KIAA1217: variants seen among roughly 807,000 people sequenced by gnomAD.
KIAA1217 encodes the protein KIAA1217.
A neutral mutation model predicts 163.9 loss-of-function variants in KIAA1217; 88 were observed. That is an observed-to-expected ratio of 0.54 (90% CI 0.45 to 0.64). The LOEUF (loss-of-function observed/expected upper bound fraction) is 0.64, where lower values mean the gene tolerates loss of function less well. Among genes scored for constraint, KIAA1217 ranks in the 30% least tolerant of loss-of-function variants. The pLI is 0.00. For synonymous variants in KIAA1217, 903 were observed against 923.1 expected (o/e 0.98, Z 0.39); for missense variants, 2,372 against 2,475.0 (o/e 0.96, Z 0.88).
At chr10:24,333,925 A>G (rs1038633508) in intron 2 of KIAA1217, among the ~76,000 whole-genome samples, 2 of 152,228 alleles carry the variant, frequency 1.3e-5, no homozygotes, top group Non-Finnish European at 2.9e-5. Context: ...GCTGTTCTAT[A>G]TTTCTTTTGC....
intron 1 of KIAA1217, among the ~76,000 whole-genome samples, chr10:23,937,660 T>C (rs1487290879): frequency 6.6e-6 from 1 of 152,180 alleles, no homozygotes; most frequent in African/African-American, 2.4e-5. Flanking sequence ...TTTTTCCCCA[T>C]GGCACCTTAA....
chr10:24,528,968 T>C (rs2072673251), intron 14 of KIAA1217, among the ~76,000 whole-genome samples: 1 of 152,210 alleles, frequency 6.6e-6, no homozygotes, highest in African/African-American at 2.4e-5. Flanking sequence ...AATCTCAACC[T>C]ATTAAATATC....
At chr10:24,076,222 C>T (rs2061364269) in intron 2 of KIAA1217, among the ~76,000 whole-genome samples, 1 of 152,190 alleles carries the variant, frequency 6.6e-6, no homozygotes, top group Non-Finnish European at 1.5e-5. Context: ...TTCCTGCTGG[C>T]TATTCTAAAG....
intron 1 of KIAA1217, among the ~76,000 whole-genome samples, chr10:23,729,519 T>C (rs1431511265): frequency 6.6e-6 from 1 of 152,224 alleles, no homozygotes; most frequent in Non-Finnish European, 1.5e-5. Flanking sequence ...TATCTCATTT[T>C]TGTTTTAATT....
In KIAA1217 at chr10:24,543,593, A is replaced by G; in HGVS notation, c.4323A>G (p.Lys1441=). ...NEDPVVCLDK[K]PVIIIFDEPM... is the part of the protein sequence containing the mutation. Reference sequence around the variant, plus strand: ...ATCCAGTCGTGTGCCTGGACAAGAAACCAGTGATCATCATTTTCGATGAGC... The same window carrying G: ...ATCCAGTCGTGTGCCTGGACAAGAAGCCAGTGATCATCATTTTCGATGAGC... Residue 1441 remains lysine, a synonymous_variant, in exon 19 of 21, where the codon AAA becomes AAG. Transcript: ENST00000376454. The G allele has an allele frequency of 1.2e-6, 2 of 1,614,140 alleles. No individual in the cohort carries two copies. The highest frequency in any genetic ancestry group is 1.7e-6 in the Non-Finnish European group (2 of 1,180,036).
intron 2 of KIAA1217, among the ~76,000 whole-genome samples, chr10:24,374,477 G>C (rs1173902654): frequency 6.6e-6 from 1 of 152,138 alleles, no homozygotes; most frequent in Non-Finnish European, 1.5e-5. Context: ...AACAAAAGCT[G>C]CTGATTTATT....
intron 2 of KIAA1217, among the ~76,000 whole-genome samples, chr10:24,030,204 T>C (rs1465355623): frequency 6.6e-6 from 1 of 152,228 alleles, no homozygotes; most frequent in Non-Finnish European, 1.5e-5. Flanking sequence ...TATGGCATTA[T>C]GTGTATTCAC....
At chr10:23,770,901 T>C (rs1588764291) in intron 1 of KIAA1217, among the ~76,000 whole-genome samples, 2 of 152,230 alleles carry the variant, frequency 1.3e-5, no homozygotes, top group Admixed American at 1.3e-4. Flanking sequence ...ACATCCAAGG[T>C]ACTGCTGTCC....
chr10:24,222,089 T>C (rs1469831846), intron 2 of KIAA1217, among the ~76,000 whole-genome samples: 1 of 152,242 alleles, frequency 6.6e-6, no homozygotes, highest in Non-Finnish European at 1.5e-5. Flanking sequence ...TTATTTGTAG[T>C]GTTATAATTA....
intron 2 of KIAA1217, among the ~76,000 whole-genome samples, chr10:24,298,523 C>T (rs767367692): frequency 1.4e-4 from 22 of 152,066 alleles, no homozygotes; most frequent in Non-Finnish European, 7.4e-5. Context: ...GCGAGCCGGG[C>T]GCAGTGGCTC....
At chr10:23,811,968 C>A (rs533087657) in intron 1 of KIAA1217, among the ~76,000 whole-genome samples, 1 of 152,046 alleles carries the variant, frequency 6.6e-6, no homozygotes, top group East Asian at 1.9e-4. Flanking sequence ...GCCTACAGTC[C>A]CAGCTGTTTG....
intron 2 of KIAA1217, among the ~76,000 whole-genome samples, chr10:24,335,558 A>T (rs1480763229): frequency 1.3e-5 from 2 of 150,742 alleles, no homozygotes; most frequent in African/African-American, 4.9e-5. Flanking sequence ...TAGATTGTGT[A>T]CTTTATTTTA....
intron 2 of KIAA1217, among the ~76,000 whole-genome samples, chr10:24,154,344 T>C (rs916946345): frequency 6.6e-6 from 1 of 152,062 alleles, no homozygotes; most frequent in Non-Finnish European, 1.5e-5. Context: ...TGAGGATTGC[T>C]TGAGCCTAGG....
At chr10:24,017,047 T>G (rs898292922) in intron 2 of KIAA1217, among the ~76,000 whole-genome samples, 18 of 151,298 alleles carry the variant, frequency 1.2e-4, no homozygotes, top group South Asian at 2.1e-4. Flanking sequence ...TTTGTTTTTT[T>G]TTTTTTTTTT....
intron 2 of KIAA1217, among the ~76,000 whole-genome samples, chr10:24,258,205 A>G (rs1176110440): frequency 2.6e-5 from 4 of 152,058 alleles, no homozygotes; most frequent in African/African-American, 9.7e-5. Flanking sequence ...GATGAGGACT[A>G]TATTACAAGT....
rs376983286 is a variant in KIAA1217, at chr10:24,542,897, T to C, written c.3627T>C (p.Ala1209=). ...QMEFQKVTTG[A]VRPSDPPKWE... is the part of the protein sequence containing the mutation. ...CTCCCTCTCAGGTTACCACAGGGGCTGTAAGACCTAGTGACCCTCCTAAGT... is the reference window on the plus strand; with the variant it reads ...CTCCCTCTCAGGTTACCACAGGGGCCGTAAGACCTAGTGACCCTCCTAAGT... The change falls in exon 19 of 21, where the codon GCT becomes GCC. Residue 1209 remains alanine (A), a synonymous_variant. Coordinates refer to ENST00000376454, the MANE Select transcript of KIAA1217 (RefSeq NM_019590.5). 9.9e-6 allele frequency: 16 copies of C among 1,611,112 alleles called. No homozygotes were observed. In the African/African-American group the frequency reaches 2.1e-4, roughly 22 times the overall value.
chr10:23,909,325 C>T (rs1475215260), intron 1 of KIAA1217, among the ~76,000 whole-genome samples: 1 of 151,844 alleles, frequency 6.6e-6, no homozygotes. Flanking sequence ...TGTAACCAAA[C>T]ACCACCTGTT....
At chr10:23,971,058 C>T (rs1194525576) in intron 1 of KIAA1217, among the ~76,000 whole-genome samples, 1 of 152,174 alleles carries the variant, frequency 6.6e-6, no homozygotes, top group East Asian at 1.9e-4. Flanking sequence ...TGACCTTTGA[C>T]TTAGGGTCTT....
At chr10:24,305,254 A>G (rs2041880012) in intron 2 of KIAA1217, among the ~76,000 whole-genome samples, 1 of 152,236 alleles carries the variant, frequency 6.6e-6, no homozygotes, top group South Asian at 2.1e-4. Context: ...AAGTCAAGAG[A>G]CAAGGAGTTA....
Sources: gnomAD v4.1 joint callset for allele counts (sites outside exome capture counted in the v4.1 genomes callset) on GRCh38, gnomAD v4.1.1 for gene constraint, MANE v1.5 for transcripts, NCBI Gene and HGNC (gene_info 2026-07-23, HGNC 2026-07-21) for gene names.